The following OR2L13 variants were observed in gnomAD, a reference collection of about 807,000 sequenced individuals.
OR2L13 encodes the protein olfactory receptor 2L13.
OR2L13 carries 14 observed loss-of-function variants against 15.3 expected under a neutral mutation model. That is an observed-to-expected ratio of 0.91 (90% CI 0.60 to 1.43). OR2L13 has a LOEUF of 1.43. Ranked by LOEUF, OR2L13 falls within the 40% of genes most tolerant of loss-of-function variation. The pLI is 0.00. For missense variants in OR2L13, 367 were observed against 387.9 expected, an observed-to-expected ratio of 0.95 and a Z score of 0.45; for synonymous variants, 152 against 142.9, an observed-to-expected ratio of 1.06 and a Z score of -0.45.
chr1:247,996,500 G>T, the OR2L13 span, among the ~76,000 whole-genome samples: 1 of 152,122 alleles, frequency 6.6e-6, no homozygotes, highest in South Asian at 2.1e-4. Context: ...CCAAGTTGTG[G>T]CCTACTCTAT....
the OR2L13 span, among the ~76,000 whole-genome samples, chr1:248,047,999 G>T: frequency 6.6e-6 from 1 of 152,182 alleles, no homozygotes; most frequent in Non-Finnish European, 1.5e-5. Context: ...ATTGTAAGAG[G>T]TAGAATTCGA....
At chr1:248,024,285 T>A in the OR2L13 span, 7 of 152,172 alleles carry the variant, frequency 4.6e-5, no homozygotes, top group African/African-American at 1.4e-4. Context: ...GAAAAAACAC[T>A]GTAGGTTTTA....
chr1:248,042,284 T>C, the OR2L13 span: 28 of 143,886 alleles, frequency 1.9e-4, no homozygotes, highest in African/African-American at 7.2e-4. Flanking sequence ...ATATTCTCAC[T>C]CATAGGTGGG....
At chr1:248,081,839 C>T in the OR2L13 span, among the ~76,000 whole-genome samples, 1 of 152,134 alleles carries the variant, frequency 6.6e-6, no homozygotes, top group African/African-American at 2.4e-5. Flanking sequence ...AAATATATTA[C>T]TGCTTTGGAA....
chr1:247,948,632 TTTA>T, the OR2L13 span, among the ~76,000 whole-genome samples: 1 of 152,220 alleles, frequency 6.6e-6, no homozygotes, highest in Non-Finnish European at 1.5e-5. Flanking sequence ...ATTGTTCTAT[TTTA>T]TTATCAGTTA....
chr1:248,080,109 T>A, the OR2L13 span, among the ~76,000 whole-genome samples: 935 of 152,198 alleles, frequency 6.1e-3, 16 homozygotes, highest in African/African-American at 0.022. Context: ...AACTAGATGA[T>A]CTTTGTTGTA....
At chr1:248,004,683 T>A in the OR2L13 span, among the ~76,000 whole-genome samples, 1 of 152,242 alleles carries the variant, frequency 6.6e-6, no homozygotes, top group East Asian at 1.9e-4. Flanking sequence ...ACATCAGGTA[T>A]ATTTTAGGTC....
At chr1:248,099,564 C>T (rs772801072) in exon 3 of OR2L13, 18 of 1,613,958 alleles carry the variant, frequency 1.1e-5, no homozygotes, top group Non-Finnish European at 1.5e-5. Context: ...TTCTTCTCAG[C>T]CAGCTCTCCC....
the OR2L13 span, among the ~76,000 whole-genome samples, chr1:248,080,186 A>G: frequency 6.6e-6 from 1 of 152,184 alleles, no homozygotes; most frequent in Non-Finnish European, 1.5e-5. Flanking sequence ...TAAGATTTGC[A>G]TTAACTGTAT....
At chr1:248,076,921 A>G in the OR2L13 span, among the ~76,000 whole-genome samples, 2 of 152,178 alleles carry the variant, frequency 1.3e-5, no homozygotes, top group African/African-American at 4.8e-5. Context: ...GTCTTGTGCC[A>G]GTTTTCAAAG....
chr1:248,024,717 A>T, the OR2L13 span, among the ~76,000 whole-genome samples: 97 of 152,228 alleles, frequency 6.4e-4, no homozygotes, highest in Admixed American at 1.2e-3. Context: ...AGATAGTTGT[A>T]GATATGTGGT....
At chr1:248,068,783 G>A in the OR2L13 span, among the ~76,000 whole-genome samples, 1 of 152,198 alleles carries the variant, frequency 6.6e-6, no homozygotes, top group African/African-American at 2.4e-5. Context: ...CCTTAAAGGA[G>A]CTGATGGAGC....
chr1:247,959,652 T>C, the OR2L13 span, among the ~76,000 whole-genome samples: 1 of 152,124 alleles, frequency 6.6e-6, no homozygotes, highest in African/African-American at 2.4e-5. Context: ...CTTTTTATTC[T>C]TTTTTCTCTA....
At chr1:248,072,814 A>G in the OR2L13 span, among the ~76,000 whole-genome samples, 1 of 152,206 alleles carries the variant, frequency 6.6e-6, no homozygotes, top group South Asian at 2.1e-4. Context: ...AAGTGGGCAA[A>G]GCACATGAAC....
chr1:248,044,470 T>C, the OR2L13 span, among the ~76,000 whole-genome samples: 1 of 152,098 alleles, frequency 6.6e-6, no homozygotes, highest in African/African-American at 2.4e-5. Flanking sequence ...CAATCAGCAA[T>C]ACCCACACTT....
the OR2L13 span, among the ~76,000 whole-genome samples, chr1:247,967,372 G>A: frequency 1.3e-5 from 2 of 151,934 alleles, no homozygotes; most frequent in South Asian, 4.1e-4. Flanking sequence ...GAGATTACAG[G>A]CACCCGCCAC....
At chr1:247,983,094 GTA>G in the OR2L13 span, among the ~76,000 whole-genome samples, 1 of 152,102 alleles carries the variant, frequency 6.6e-6, no homozygotes, top group African/African-American at 2.4e-5. Context: ...TTGTTTGTGT[GTA>G]TATATATGCA....
At chr1:248,056,884 A>T in the OR2L13 span, among the ~76,000 whole-genome samples, 1 of 152,152 alleles carries the variant, frequency 6.6e-6, no homozygotes, top group Admixed American at 6.5e-5. Flanking sequence ...TCCTGAGCTC[A>T]GGCAATCTGC....
chr1:248,009,254 G>T, the OR2L13 span, among the ~76,000 whole-genome samples: 4,782 of 151,860 alleles, frequency 0.031, 229 homozygotes, highest in African/African-American at 0.11. Context: ...TTTTTGAAAA[G>T]GTTAACAAAA....
Sources: gnomAD v4.1 joint callset for allele counts (sites outside exome capture counted in the v4.1 genomes callset) on GRCh38, gnomAD v4.1.1 for gene constraint, MANE v1.5 for transcripts, NCBI Gene and HGNC (gene_info 2026-07-23, HGNC 2026-07-21) for gene names.